The following ALOX15B variants were observed in gnomAD, a reference collection of about 807,000 sequenced individuals.
ALOX15B encodes the protein polyunsaturated fatty acid lipoxygenase ALOX15B.
Under a neutral mutation model 73.8 loss-of-function variants are expected in ALOX15B, and 74 were observed. The ratio of observed to expected loss-of-function variants is 1.00; its 90% CI spans 0.83 to 1.22. The LOEUF (loss-of-function observed/expected upper bound fraction) is 1.22, where lower values mean the gene tolerates loss of function less well. ALOX15B is among the 50% of genes most tolerant of loss of function. ALOX15B has a pLI of 0.00. For missense variants in ALOX15B, 896 were observed against 859.9 expected (o/e 1.04, Z -0.52); for synonymous variants, 353 against 357.2 (o/e 0.99, Z 0.13).
rs368719560 is a variant in ALOX15B, at chr17:8,047,038, C to T, written c.1419C>T (p.Tyr473=). 6 of 1,613,930 alleles carry T rather than the reference C, an allele frequency of 3.7e-6. No homozygotes were observed. Among genetic ancestry groups the T allele is most frequent in the Non-Finnish European group, 4.2e-6 (5 of 1,180,026 alleles). The stretch of plus-strand genomic sequence containing the variant: ...TTGAAGACATCCCAGGCTACTACTA[C>T]CGTGATGATGGGATGCAGATCTGGG... The part of the protein sequence containing the change: ...RGVEDIPGYY[Y]RDDGMQIWGA... Residue 473 remains tyrosine, a synonymous_variant, in exon 10 of 14, where the codon TAC becomes TAT. Transcript: ENST00000380183.
chr17:8,046,569 C>A, intron 8 of ALOX15B, 99 bp from the exon 9 acceptor site: 3 of 1,287,660 alleles, frequency 2.3e-6, no homozygotes, highest in Non-Finnish European at 3.3e-6. Context: ...CTTGTTGCCT[C>A]TTTCCAAGTG....
Position 8,039,417 on chromosome 17 carries a change from AC to A in ALOX15B, c.180del (p.Asp60GlufsTer2), listed in dbSNP as rs1976365834. The A allele has an allele frequency of 6.2e-7, 1 of 1,612,838 alleles. No individual in the cohort carries two copies. Among genetic ancestry groups the A allele is most frequent in the Admixed American group, 1.7e-5 (1 of 59,916 alleles). On this transcript the variant is annotated frameshift_variant, in exon 2 of 14. Coordinates refer to ENST00000380183, the MANE Select transcript of ALOX15B (RefSeq NM_001141.3). LOFTEE classifies it high-confidence loss of function. ...GACTTCCAGGTGACGCTCCCGGAGGACGTAGGCCGAGTGCTGCTGCTGCGCG... is the reference window on the plus strand; with the variant it reads ...GACTTCCAGGTGACGCTCCCGGAGGAGTAGGCCGAGTGCTGCTGCTGCGCG... ...EEDFQVTLPE[D>X]VGRVLLLRVH...
At chr17:8,041,723 T>G (rs1156981160) in intron 3 of ALOX15B, among the ~76,000 whole-genome samples, 4 of 152,248 alleles carry the variant, frequency 2.6e-5, no homozygotes, top group African/African-American at 9.6e-5. Flanking sequence ...GGTCTTTGGC[T>G]GTGTTGCTTG....
chr17:8,044,938 C>T lies in ALOX15B; in HGVS notation c.786C>T (p.Pro262=), dbSNP rs757153840. Residue 262 remains proline (P), a synonymous_variant, in exon 6 of 14, where the codon CCC becomes CCT. Transcript: ENST00000380183. ...GTCACTACCTCCCAAAGAACTTCCCCGTCACTGATGCCATGGTGGCCTCAG... is the reference window on the plus strand; with the variant it reads ...GTCACTACCTCCCAAAGAACTTCCCTGTCACTGATGCCATGGTGGCCTCAG... ...RRCHYLPKNF[P]VTDAMVASVL... The T allele has an allele frequency of 2.5e-5, 40 of 1,614,014 alleles. 1 individual carries two copies. The South Asian group carries it at 2.5e-4, about 10-fold the overall frequency.
At chr17:8,040,617 AAG>A in intron 3 of ALOX15B, among the ~76,000 whole-genome samples, 1 of 125,516 alleles carries the variant, frequency 8.0e-6, no homozygotes, top group East Asian at 2.5e-4. Context: ...GAAAGAAAGA[AAG>A]AAAGAAAGAA....
At position 8,046,979 on chromosome 17, in the gene ALOX15B, C is replaced by A. The variant is rs981904217; in HGVS notation, c.1360C>A (p.Leu454Met). The A allele has an allele frequency of 6.2e-7, 1 of 1,614,146 alleles. No individual in the cohort carries two copies. The highest frequency in any genetic ancestry group is 8.5e-7 in the Non-Finnish European group (1 of 1,180,032). ...RNMKQLNYSL[L>M]CLPEDIRTRG... is the part of the protein sequence containing the mutation. ...CATGAAGCAGCTGAACTATTCTCTC[C>A]TGTGTCTGCCTGAGGATATCCGGAC... The change falls in exon 10 of 14, where the codon CTG becomes ATG. Residue 454 changes from leucine to methionine, a missense_variant. Leu to Met is a conservative substitution (Grantham distance 15). Transcript: ENST00000380183.
rs910584203 is a variant in ALOX15B at position 8,043,425 on chromosome 17, G to A, written c.676+541G>A. Reference sequence around the variant, plus strand: ...GACAGAAGGATCAGCCACCTTTGGAGGAAAGAAAACACCACTGTGGTCAAA... The same window carrying A: ...GACAGAAGGATCAGCCACCTTTGGAAGAAAGAAAACACCACTGTGGTCAAA... On this transcript the variant is annotated intron_variant, in intron 5 of 13. Transcript: ENST00000380183. Among the ~76,000 whole-genome samples the A allele has an allele frequency of 3.2e-4, 49 of 152,206 alleles. 1 individual carries two copies. The highest frequency in any genetic ancestry group is 6.9e-4 in the Non-Finnish European group (47 of 68,042).
At chr17:8,042,719 C>A in intron 4 of ALOX15B, 62 bp from the exon 5 acceptor site, 1 of 1,466,136 alleles carries the variant, frequency 6.8e-7, no homozygotes, top group South Asian at 1.2e-5. Flanking sequence ...ATAAGGCTGG[C>A]TGACAGGGAA....
chr17:8,039,797 G>C, intron 2 of ALOX15B, 105 bp from the exon 3 acceptor site: 1 of 1,284,594 alleles, frequency 7.8e-7, no homozygotes, highest in Non-Finnish European at 1.1e-6. Context: ...TGTACTTATG[G>C]GAGGAGGGGA....
chr17:8,040,664 A>G (rs565908887), intron 3 of ALOX15B, among the ~76,000 whole-genome samples: 3 of 151,066 alleles, frequency 2.0e-5, no homozygotes, highest in East Asian at 1.9e-4. Flanking sequence ...AAGAAAGAGA[A>G]AGAAACTGCT....
chr17:8,040,564 AAG>A (rs1367303844), intron 3 of ALOX15B, among the ~76,000 whole-genome samples: 2 of 137,590 alleles, frequency 1.5e-5, no homozygotes, highest in Non-Finnish European at 3.0e-5. Flanking sequence ...AAAAAAAAGG[AAG>A]GAAGGAAAAG....
At chr17:8,045,733 C>T (rs1262615024) in intron 8 of ALOX15B, 47 bp downstream of exon 8, 1 of 1,592,534 alleles carries the variant, frequency 6.3e-7, no homozygotes, top group Non-Finnish European at 8.6e-7. Flanking sequence ...TGCCTCTGTG[C>T]CTCTTCTAAG....
In ALOX15B at chr17:8,042,468, C is replaced by A; in HGVS notation, c.549C>A (p.Asn183Lys). The change falls in exon 4 of 14, where the codon AAC becomes AAA. Residue 183 changes from asparagine to lysine, a missense_variant. Asn to Lys is a moderately conservative substitution (Grantham distance 94, BLOSUM62 0). Transcript: ENST00000380183. ...AATACTCCACAGCCAAGAATGCCAA[C>A]TTTTATCTACAGGCTGGCTCTGCGT... ...NIKYSTAKNA[N>K]FYLQAGSAFA... 1.2e-6 allele frequency: 2 copies of A among 1,613,918 alleles called. No homozygotes were observed. Among genetic ancestry groups the A allele is most frequent in the South Asian group, 1.1e-5 (1 of 91,072 alleles).
At chr17:8,040,517 T>C (rs1348811193) in intron 3 of ALOX15B, among the ~76,000 whole-genome samples, 1 of 132,800 alleles carries the variant, frequency 7.5e-6, no homozygotes, top group African/African-American at 2.9e-5. Context: ...CACTCCAGCA[T>C]GGGGGACAGA....
At chr17:8,044,601 G>T (rs1383973676) in intron 5 of ALOX15B, among the ~76,000 whole-genome samples, 1 of 152,096 alleles carries the variant, frequency 6.6e-6, no homozygotes, top group Non-Finnish European at 1.5e-5. Flanking sequence ...GAGTTATTCA[G>T]GGGGAGTGTC....
At position 8,048,406 on chromosome 17, in the gene ALOX15B, G is replaced by A. The variant is rs138555073; in HGVS notation, c.1872G>A (p.Pro624=). Residue 624 remains proline, a synonymous_variant, in exon 14 of 14, where the codon CCG becomes CCA. Transcript: ENST00000380183. Reference sequence around the variant, plus strand: ...CTCAGAGGCCCCTGGGCACCTATCCGGATGAGCACTTCACAGAGGAGGCCC... The same window carrying A: ...CTCAGAGGCCCCTGGGCACCTATCCAGATGAGCACTTCACAGAGGAGGCCC... ...PGDQRPLGTY[P]DEHFTEEAPR... 1.4e-5 allele frequency: 23 copies of A among 1,613,340 alleles called. No homozygotes were observed. The highest frequency in any genetic ancestry group is 8.9e-5 in the East Asian group (4 of 44,866).
At chr17:8,040,601 G>GAGAAAGAAAGAAAGGA (rs1976420490) in intron 3 of ALOX15B, among the ~76,000 whole-genome samples, 5 of 109,462 alleles carry the variant, frequency 4.6e-5, no homozygotes, top group Admixed American at 9.7e-5. Context: ...AAGAAAGAGA[G>GAGAAAGAAAGAAAGGA]AGAAAGAAAG....
chr17:8,039,667 T>C (rs1976381604), intron 2 of ALOX15B, 62 bp downstream of exon 2: 10 of 1,280,160 alleles, frequency 7.8e-6, no homozygotes, highest in East Asian at 2.5e-5. Flanking sequence ...GGACTGGGGG[T>C]TGGGGAGAAG....
At chr17:8,041,500 A>C (rs917125111) in intron 3 of ALOX15B, among the ~76,000 whole-genome samples, 1 of 152,202 alleles carries the variant, frequency 6.6e-6, no homozygotes, top group Admixed American at 6.5e-5. Context: ...ATCTGCATTT[A>C]ACCAAGATCT....
Sources: gnomAD v4.1 joint callset for allele counts (sites outside exome capture counted in the v4.1 genomes callset) on GRCh38, gnomAD v4.1.1 for gene constraint, MANE v1.5 for transcripts, NCBI Gene and HGNC (gene_info 2026-07-23, HGNC 2026-07-21) for gene names.